Variants in UGT2A1 observed in about 807,000 individuals in gnomAD.
UGT2A1 encodes UDP-glucuronosyltransferase 2A1.
In UGT2A1, 61 loss-of-function variants were observed where a neutral mutation model predicts 45.4. That is an observed-to-expected ratio of 1.34 (90% CI 1.09 to 1.66). The LOEUF is 1.66. UGT2A1 is among the 40% of genes most tolerant of loss of function. The pLI, the probability that UGT2A1 is intolerant of heterozygous loss-of-function variation, is 0.00. For synonymous variants in UGT2A1, 229 were observed against 196.2 expected, an observed-to-expected ratio of 1.17 and a Z score of -1.40; for missense variants, 649 against 574.3, an observed-to-expected ratio of 1.13 and a Z score of -1.33.
At chr4:69,650,692 T>C (rs987289881) in intron 1 of UGT2A1, among the ~76,000 whole-genome samples, 4 of 152,136 alleles carry the variant, frequency 2.6e-5, no homozygotes, top group Non-Finnish European at 4.4e-5. Flanking sequence ...GCAACAAGTA[T>C]ATTACCTGGA....
At chr4:69,644,663 T>C (rs1722179363) in intron 2 of UGT2A1, among the ~76,000 whole-genome samples, 5 of 151,822 alleles carry the variant, frequency 3.3e-5, no homozygotes, top group Non-Finnish European at 7.4e-5. Context: ...TAGCAAGGCT[T>C]GTATTCTCTG....
intron 2 of UGT2A1, among the ~76,000 whole-genome samples, chr4:69,642,769 T>A (rs1033815468): frequency 1.3e-5 from 2 of 151,574 alleles, no homozygotes; most frequent in African/African-American, 2.4e-5. Flanking sequence ...ATGTTATGTA[T>A]TTTTACATAT....
At chr4:69,642,993 A>T (rs1722110231) in intron 2 of UGT2A1, among the ~76,000 whole-genome samples, 1 of 151,374 alleles carries the variant, frequency 6.6e-6, no homozygotes, top group Non-Finnish European at 1.5e-5. Context: ...CCATTTTTTG[A>T]AATGCATAAA....
At chr4:69,599,021 G>A (rs1379791505) in intron 4 of UGT2A1, among the ~76,000 whole-genome samples, 1 of 152,038 alleles carries the variant, frequency 6.6e-6, no homozygotes. Context: ...ACTGATATTT[G>A]TAACACACAG....
At chr4:69,625,511 C>T (rs1042759588) in intron 3 of UGT2A1, among the ~76,000 whole-genome samples, 1 of 150,836 alleles carries the variant, frequency 6.6e-6, no homozygotes, top group Non-Finnish European at 1.5e-5. Flanking sequence ...TCTTTAAATT[C>T]TTTTTTTCTA....
chr4:69,626,521 T>G (rs1449728957), intron 3 of UGT2A1, among the ~76,000 whole-genome samples: 2 of 151,674 alleles, frequency 1.3e-5, no homozygotes, highest in Non-Finnish European at 3.0e-5. Context: ...TTGAGGATAT[T>G]TATTGGGTAT....
intron 3 of UGT2A1, among the ~76,000 whole-genome samples, chr4:69,612,228 T>A (rs964563663): frequency 6.6e-6 from 1 of 152,026 alleles, no homozygotes; most frequent in African/African-American, 2.4e-5. Flanking sequence ...AATATTAGAA[T>A]TATTTGAAAT....
intron 3 of UGT2A1, among the ~76,000 whole-genome samples, chr4:69,617,623 A>G (rs537293349): frequency 6.6e-6 from 1 of 151,922 alleles, no homozygotes; most frequent in Non-Finnish European, 1.5e-5. Flanking sequence ...AAATAATGAT[A>G]TAAATACATT....
chr4:69,609,507 TA>T (rs1560476615), intron 3 of UGT2A1, among the ~76,000 whole-genome samples: 1 of 152,108 alleles, frequency 6.6e-6, no homozygotes, highest in Non-Finnish European at 1.5e-5. Context: ...ACTGAAACTG[TA>T]AATTTTAAAG....
At chr4:69,620,880 C>G (rs566786627) in intron 3 of UGT2A1, among the ~76,000 whole-genome samples, 1 of 151,250 alleles carries the variant, frequency 6.6e-6, no homozygotes, top group East Asian at 1.9e-4. Context: ...CTGACAAAAC[C>G]GACAAAACCA....
At chr4:69,646,039 C>T (rs1213552699) in intron 2 of UGT2A1, among the ~76,000 whole-genome samples, 1 of 151,832 alleles carries the variant, frequency 6.6e-6, no homozygotes, top group Non-Finnish European at 1.5e-5. Flanking sequence ...TAATACCTAA[C>T]TCCTCTACAT....
At chr4:69,648,792 C>A (rs1396029124) in intron 1 of UGT2A1, among the ~76,000 whole-genome samples, 1 of 151,958 alleles carries the variant, frequency 6.6e-6, no homozygotes, top group Non-Finnish European at 1.5e-5. Flanking sequence ...AACAGGACAA[C>A]TGCACTTGAA....
intron 3 of UGT2A1, among the ~76,000 whole-genome samples, chr4:69,622,786 A>G (rs1489078296): frequency 6.6e-6 from 1 of 151,750 alleles, no homozygotes; most frequent in Non-Finnish European, 1.5e-5. Context: ...GTCAACAGGA[A>G]TATAGACGTT....
intron 4 of UGT2A1, 64 bp downstream of exon 4, chr4:69,599,182 C>G: frequency 6.6e-7 from 1 of 1,512,958 alleles, no homozygotes; most frequent in South Asian, 1.3e-5. Flanking sequence ...AGGCTATAAA[C>G]TTTAAAAGAA....
intron 3 of UGT2A1, among the ~76,000 whole-genome samples, chr4:69,610,065 C>T (rs1719941801): frequency 6.6e-6 from 1 of 152,034 alleles, no homozygotes; most frequent in Admixed American, 6.6e-5. Flanking sequence ...TTCTGGTTTC[C>T]ATTGGAAGAA....
intron 6 of UGT2A1, 78 bp downstream of exon 6, chr4:69,594,399 A>G (rs1366214360): frequency 2.6e-6 from 4 of 1,534,306 alleles, no homozygotes; most frequent in Admixed American, 4.0e-5. Flanking sequence ...TTACAAAAGT[A>G]TAAAAGAATG....
chr4:69,593,231 C>A (rs562987013), intron 6 of UGT2A1, among the ~76,000 whole-genome samples: 62 of 152,000 alleles, frequency 4.1e-4, no homozygotes, highest in African/African-American at 1.4e-3. Context: ...AGAAATAAAT[C>A]CTAAATATTT....
Position 69,599,402 on chromosome 4 carries a change from A to G in UGT2A1, c.848-8T>C, listed in dbSNP as rs1421070495. Reference sequence around the variant, plus strand: ...ATAACGTAGTGGGTCTTCCTGGAGAAAATGTAACAAGTTGGATGGAGGAAA... The same window carrying G: ...ATAACGTAGTGGGTCTTCCTGGAGAGAATGTAACAAGTTGGATGGAGGAAA... On this transcript the variant is annotated splice_region_variant and splice_polypyrimidine_tract_variant and intron_variant, in intron 3 of 6. Coordinates refer to ENST00000286604, the MANE Select transcript of UGT2A1 (RefSeq NM_001252275.3). The G allele has an allele frequency of 6.2e-7, 1 of 1,611,964 alleles. No individual in the cohort carries two copies. Among genetic ancestry groups the G allele is most frequent in the Admixed American group, 1.7e-5 (1 of 59,152 alleles).
At chr4:69,608,100 G>T (rs1251535599) in intron 3 of UGT2A1, among the ~76,000 whole-genome samples, 7 of 152,064 alleles carry the variant, frequency 4.6e-5, no homozygotes, top group Admixed American at 3.9e-4. Context: ...AAATCATTCT[G>T]CTATAAAGAC....
Sources: allele counts gnomAD v4.1 joint callset (sites outside exome capture counted in the v4.1 genomes callset), GRCh38; gene constraint gnomAD v4.1.1; transcripts MANE v1.5; gene names NCBI Gene and HGNC (gene_info 2026-07-23, HGNC 2026-07-21).